ST8SIA6: variants seen among roughly 807,000 people sequenced by gnomAD.
ST8SIA6 encodes ST8 alpha-N-acetyl-neuraminide alpha-2,8-sialyltransferase 6, also known as alpha-2,8-sialyltransferase 8F.
In ST8SIA6, 39 loss-of-function variants were observed where a neutral mutation model predicts 33.6. The observed-to-expected ratio is 1.16, with a 90% CI of 0.90 to 1.52. The LOEUF is 1.52. Among genes scored for constraint, ST8SIA6 ranks in the 40% most tolerant of loss-of-function variants. The pLI, the probability that ST8SIA6 is intolerant of heterozygous loss-of-function variation, is 0.00. For synonymous variants in ST8SIA6, 172 were observed against 167.2 expected (o/e 1.03, Z -0.22); for missense variants, 441 against 443.8 (o/e 0.99, Z 0.06).
chr10:17,447,290 C>G (rs992588727), intron 2 of ST8SIA6, among the ~76,000 whole-genome samples: 20 of 151,890 alleles, frequency 1.3e-4, no homozygotes, highest in Admixed American at 1.3e-3. Flanking sequence ...CCTGTAATCC[C>G]AGCTACTGAG....
At chr10:17,418,686 T>C (rs1851675629) in intron 2 of ST8SIA6, among the ~76,000 whole-genome samples, 1 of 152,118 alleles carries the variant, frequency 6.6e-6, no homozygotes, top group Admixed American at 6.6e-5. Flanking sequence ...CCTTTCAAAT[T>C]GTTTACAGTA....
intron 3 of ST8SIA6, among the ~76,000 whole-genome samples, chr10:17,371,813 T>TAAAAAAAAA (rs1849745422): frequency 2.2e-4 from 26 of 116,894 alleles, no homozygotes; most frequent in Non-Finnish European, 4.1e-4. Context: ...AGAAAGAAAG[T>TAAAAAAAAA]AAAAAATGAG....
intron 2 of ST8SIA6, among the ~76,000 whole-genome samples, chr10:17,406,829 T>C (rs1851283353): frequency 6.6e-6 from 1 of 151,020 alleles, no homozygotes. Context: ...AATTTTGTTC[T>C]TGTTGCCCAG....
At chr10:17,448,432 G>A (rs1237577686) in intron 2 of ST8SIA6, among the ~76,000 whole-genome samples, 1 of 152,112 alleles carries the variant, frequency 6.6e-6, no homozygotes, top group Non-Finnish European at 1.5e-5. Flanking sequence ...GCCACCAAAA[G>A]GTGCCAAATC....
intron 3 of ST8SIA6, among the ~76,000 whole-genome samples, chr10:17,366,676 C>G (rs1588845695): frequency 6.6e-6 from 1 of 152,206 alleles, no homozygotes; most frequent in East Asian, 1.9e-4. Flanking sequence ...AGAGCTGTTA[C>G]CACCCCCAAA....
chr10:17,438,394 C>G (rs1385436915), intron 2 of ST8SIA6, among the ~76,000 whole-genome samples: 1 of 152,152 alleles, frequency 6.6e-6, no homozygotes, highest in Middle Eastern at 3.2e-3. Context: ...AATATAGCTC[C>G]TAGCTCTGGG....
intron 4 of ST8SIA6, among the ~76,000 whole-genome samples, chr10:17,340,590 C>A (rs1848642277): frequency 6.6e-6 from 1 of 152,166 alleles, no homozygotes. Context: ...CTCGCCATTG[C>A]TCCCTTCATG....
At chr10:17,355,589 A>G (rs1849165901) in intron 4 of ST8SIA6, among the ~76,000 whole-genome samples, 2 of 152,168 alleles carry the variant, frequency 1.3e-5, no homozygotes, top group African/African-American at 2.4e-5. Context: ...CTTGTCTACA[A>G]CCAGCCCCTA....
chr10:17,443,599 C>T (rs1008249399), intron 2 of ST8SIA6, among the ~76,000 whole-genome samples: 2 of 152,110 alleles, frequency 1.3e-5, no homozygotes, highest in Non-Finnish European at 2.9e-5. Context: ...ATGAATGTTC[C>T]CCAGAATTAA....
At chr10:17,359,830 A>G (rs1849325568) in intron 3 of ST8SIA6, among the ~76,000 whole-genome samples, 1 of 152,154 alleles carries the variant, frequency 6.6e-6, no homozygotes, top group South Asian at 2.1e-4. Context: ...AGCCAAGTGT[A>G]GTATTAAAAA....
At chr10:17,406,810 T>A (rs1332924665) in intron 2 of ST8SIA6, among the ~76,000 whole-genome samples, 1 of 149,462 alleles carries the variant, frequency 6.7e-6, no homozygotes, top group Non-Finnish European at 1.5e-5. Flanking sequence ...TTTTTTTTTT[T>A]TGAGATGGAA....
Position 17,390,631 on chromosome 10 carries a change from A to C in ST8SIA6, c.201-11T>G. ...TCATTCAGATATGTGCTGTTTCATG[A>C]AAGAGATTTTTAAAAAGATTGATTT... On this transcript the variant is annotated splice_polypyrimidine_tract_variant and intron_variant, in intron 2 of 7. Coordinates refer to ENST00000377602, the MANE Select transcript of ST8SIA6 (RefSeq NM_001004470.3). 6 of 1,598,182 alleles carry C rather than the reference A, an allele frequency of 3.8e-6. No individual in the cohort carries two copies. Among genetic ancestry groups the C allele is most frequent in the Non-Finnish European group, 5.1e-6 (6 of 1,172,624 alleles).
At chr10:17,323,263 A>T in intron 6 of ST8SIA6, 106 bp from the exon 7 acceptor site, 1 of 612,816 alleles carries the variant, frequency 1.6e-6, no homozygotes. Context: ...ATCTATAATA[A>T]TTGTTCTTAT....
At chr10:17,331,624 C>T (rs568658932) in intron 4 of ST8SIA6, 72 bp from the exon 5 acceptor site, 477 of 1,445,332 alleles carry the variant, frequency 3.3e-4, no homozygotes, top group Admixed American at 1.0e-3. Context: ...CCACGATGGA[C>T]AATGCCGAAG....
intron 2 of ST8SIA6, among the ~76,000 whole-genome samples, chr10:17,426,060 T>G (rs1375560367): frequency 6.6e-6 from 1 of 152,084 alleles, no homozygotes; most frequent in Non-Finnish European, 1.5e-5. Context: ...ATAGCATTAT[T>G]CAAACGAGAC....
In ST8SIA6 at chr10:17,320,530, A is replaced by G. The variant is rs188418274; in HGVS notation, c.*348T>C. The stretch of plus-strand genomic sequence containing the variant: ...TCTCTTTAGAAGAGATCTCCAAGAA[A>G]GCATGCTTTTATTATCGGTCTGGTG... On this transcript the variant is annotated 3_prime_UTR_variant, in exon 8 of 8. Transcript: ENST00000377602. 137 of 245,132 alleles carry G rather than the reference A, an allele frequency of 5.6e-4. 1 individual carries two copies. Among genetic ancestry groups the G allele is most frequent in the African/African-American group, 3.0e-3 (134 of 44,010 alleles). 15.2% of individuals were successfully genotyped at this position (245,132 alleles called of 1,614,324 possible). A position where few individuals can be genotyped will look rare whatever the true frequency, so the allele number is the denominator to read the frequency against.
chr10:17,376,019 A>C (rs1396903932), intron 3 of ST8SIA6, among the ~76,000 whole-genome samples: 2 of 152,132 alleles, frequency 1.3e-5, no homozygotes, highest in Non-Finnish European at 2.9e-5. Context: ...ACTTGATGCT[A>C]CAAGCAGCTG....
At chr10:17,385,500 G>A (rs1462230389) in intron 3 of ST8SIA6, among the ~76,000 whole-genome samples, 2 of 152,040 alleles carry the variant, frequency 1.3e-5, no homozygotes, top group Non-Finnish European at 2.9e-5. Flanking sequence ...AGATAGGGGT[G>A]GGGGCAGTTT....
At chr10:17,434,210 T>G (rs1399939930) in intron 2 of ST8SIA6, among the ~76,000 whole-genome samples, 1 of 152,166 alleles carries the variant, frequency 6.6e-6, no homozygotes, top group East Asian at 1.9e-4. Context: ...TGGGACTATG[T>G]CCACAGATTC....
Sources: gnomAD v4.1 joint callset for allele counts (sites outside exome capture counted in the v4.1 genomes callset) on GRCh38, gnomAD v4.1.1 for gene constraint, MANE v1.5 for transcripts, NCBI Gene and HGNC (gene_info 2026-07-23, HGNC 2026-07-21) for gene names.